Variants in ABLIM2 observed in about 807,000 individuals in gnomAD.
ABLIM2 encodes actin binding LIM protein family member 2.
A neutral mutation model predicts 97.7 loss-of-function variants in ABLIM2; 53 were observed. The ratio of observed to expected loss-of-function variants is 0.54; its 90% CI spans 0.44 to 0.68. The LOEUF is 0.68. Ranked by LOEUF, ABLIM2 falls within the 30% of genes least tolerant of loss-of-function variation. The pLI, the probability that ABLIM2 is intolerant of heterozygous loss-of-function variation, is 0.00. For missense variants in ABLIM2, 835 were observed against 867.2 expected (o/e 0.96, Z 0.47); for synonymous variants, 361 against 345.8 (o/e 1.04, Z -0.49).
rs1847168676 is a variant in ABLIM2, at chr4:8,124,907, C to T, written c.11-18270G>A. Among the ~76,000 whole-genome samples, 2 of 152,186 alleles carry T rather than the reference C, an allele frequency of 1.3e-5. No individual in the cohort carries two copies. The highest frequency in any genetic ancestry group is 1.3e-4 in the Admixed American group (2 of 15,280). ...TCTGGGTGTGCCTGCGATTTTGATC[C>T]AGCCATTCTAGCGGATCTGTAATCG... On this transcript the variant is annotated intron_variant, in intron 1 of 20. Transcript: ENST00000447017. This position sits in a 1 kb window ranked among gnomAD's most constrained non-coding sequence, Gnocchi z 6.1.
intron 3 of ABLIM2, among the ~76,000 whole-genome samples, chr4:8,092,242 C>T (rs573644249): frequency 2.6e-5 from 4 of 152,074 alleles, no homozygotes; most frequent in African/African-American, 9.6e-5. Flanking sequence ...AAGCAATCTG[C>T]CCACCTCAGC....
At chr4:8,111,031 C>T (rs1840057996) in intron 1 of ABLIM2, among the ~76,000 whole-genome samples, 1 of 152,268 alleles carries the variant, frequency 6.6e-6, no homozygotes, top group African/African-American at 2.4e-5. Context: ...AAGTGGCATT[C>T]TCTGTTCCCC....
chr4:8,032,025 C>G lies in ABLIM2; in HGVS notation c.1048-2249G>C, dbSNP rs544031376. Among the ~76,000 whole-genome samples the G allele has an allele frequency of 6.6e-6, 1 of 152,062 alleles. No individual in the cohort carries two copies. The highest frequency in any genetic ancestry group is 2.4e-5 in the African/African-American group (1 of 41,398). On this transcript the variant is annotated intron_variant, in intron 10 of 20. Coordinates refer to ENST00000447017, the MANE Select transcript of ABLIM2 (RefSeq NM_001130083.2). This position sits in a 1 kb window ranked among gnomAD's most constrained non-coding sequence, Gnocchi z 4.3. ...TACAGGTGTGAGCCACCACGCCCAG[C>G]CTATGAAATGTTTACAATGGCATCA...
rs953407946 is a variant in ABLIM2, at chr4:8,033,183, C to A, written c.1047+2966G>T. Among the ~76,000 whole-genome samples the A allele has an allele frequency of 1.3e-5, 2 of 152,184 alleles. No homozygotes were observed. The highest frequency in any genetic ancestry group is 2.9e-5 in the Non-Finnish European group (2 of 68,036). On this transcript the variant is annotated intron_variant, in intron 10 of 20. Transcript: ENST00000447017. The surrounding 1 kb of genome is among the most constrained non-coding windows in gnomAD (Gnocchi z 4.5). ...GCTGACCCGTCTTCCCAGGCTGGCA[C>A]CCCATCCACCACCACCTGCACATAT...
intron 1 of ABLIM2, among the ~76,000 whole-genome samples, chr4:8,126,062 C>A (rs1318238420): frequency 6.6e-6 from 1 of 152,116 alleles, no homozygotes; most frequent in Non-Finnish European, 1.5e-5. Context: ...AATCAGGGCT[C>A]GAAGCTTCAT....
Position 8,071,693 on chromosome 4 carries a change from A to AACCCCCCCCC in ABLIM2, c.675+5934_675+5935insGGGGGGGGGT. The stretch of plus-strand genomic sequence containing the variant: ...ACACCTGACTGCTCTGTCCCCAAAA[A>AACCCCCCCCC]CCCACCCACCCGCAGCCCCTCCTGG... On this transcript the variant is annotated intron_variant, in intron 6 of 20. Coordinates refer to ENST00000447017, the MANE Select transcript of ABLIM2 (RefSeq NM_001130083.2). The surrounding 1 kb of genome is among the most constrained non-coding windows in gnomAD (Gnocchi z 6.2). 8 of 819,822 alleles carry AACCCCCCCCC rather than the reference A, an allele frequency of 9.8e-6. No individual in the cohort carries two copies. The highest frequency in any genetic ancestry group is 1.2e-5 in the Non-Finnish European group (8 of 679,284). The allele number at this position is 819,822 out of a possible 1,614,324, so 50.8% of individuals were successfully genotyped here.
intron 14 of ABLIM2, among the ~76,000 whole-genome samples, chr4:8,016,532 T>C (rs1769358328): frequency 6.6e-6 from 1 of 152,144 alleles, no homozygotes; most frequent in African/African-American, 2.4e-5. Context: ...CTCCCCACGA[T>C]GTAGCTGGAA....
intron 1 of ABLIM2, among the ~76,000 whole-genome samples, chr4:8,118,558 C>T (rs1054364017): frequency 2.0e-5 from 3 of 152,142 alleles, no homozygotes; most frequent in African/African-American, 4.8e-5. Flanking sequence ...CTGCTTAGGT[C>T]CCTCCCCCAT....
chr4:8,012,819 T>C (rs1765957726), intron 14 of ABLIM2, among the ~76,000 whole-genome samples: 1 of 152,190 alleles, frequency 6.6e-6, no homozygotes, highest in South Asian at 2.1e-4. Flanking sequence ...CATCCATTCA[T>C]CCATTCCTCT....
chr4:8,029,499 A>C (rs1025085903), intron 11 of ABLIM2, among the ~76,000 whole-genome samples, 157 bp downstream of exon 11: 8 of 151,436 alleles, frequency 5.3e-5, no homozygotes, highest in African/African-American at 1.9e-4. Flanking sequence ...ACAGGTTCTC[A>C]GCCACCCACC....
rs936670413 is a variant in ABLIM2 at position 8,085,216 on chromosome 4, GGGCAGCCACACA to G, written c.454+2941_454+2952del. On this transcript the variant is annotated intron_variant, in intron 4 of 20. Transcript: ENST00000447017. The surrounding 1 kb of genome is among the most constrained non-coding windows in gnomAD (Gnocchi z 6.1). ...CAGCCACTCTCCCCTCCCCAGGGAG[GGGCAGCCACACA>G]GGCAGCCATGTGAGGCCCCACCCTG... Among the ~76,000 whole-genome samples, 5 of 152,018 alleles carry G rather than the reference GGGCAGCCACACA, an allele frequency of 3.3e-5. No individual in the cohort carries two copies. The highest frequency in any genetic ancestry group is 5.9e-5 in the Non-Finnish European group (4 of 67,972).
rs1034278448 is a variant in ABLIM2 at position 7,966,115 on chromosome 4, GAGAAAAAGAAAAA to G, written c.*862_*874del. On this transcript the variant is annotated 3_prime_UTR_variant, in exon 21 of 21. Coordinates refer to ENST00000447017, the MANE Select transcript of ABLIM2 (RefSeq NM_001130083.2). ...CTGTCTTTAAGGTTACCTGTGTGAC[GAGAAAAAGAAAAA>G]AGAAAAAGAAAAGAAACTAGACAGG... 4 of 152,130 alleles carry G rather than the reference GAGAAAAAGAAAAA, an allele frequency of 2.6e-5. No individual in the cohort carries two copies. The highest frequency in any genetic ancestry group is 7.2e-5 in the African/African-American group (3 of 41,436). The allele number at this position is 152,130 out of a possible 1,614,324, so 9.4% of individuals were successfully genotyped here. A position where few individuals can be genotyped will look rare whatever the true frequency, so the allele number is the denominator to read the frequency against.
intron 1 of ABLIM2, among the ~76,000 whole-genome samples, chr4:8,153,739 G>C (rs1374584168): frequency 1.3e-5 from 2 of 151,538 alleles, no homozygotes; most frequent in South Asian, 2.1e-4. Context: ...CTTTCCATTT[G>C]ATCTTTCAGT....
chr4:7,990,497 ATTTG>A (rs929454838), intron 17 of ABLIM2, among the ~76,000 whole-genome samples: 6 of 151,960 alleles, frequency 3.9e-5, no homozygotes, highest in Admixed American at 1.3e-4. Flanking sequence ...CTCATGTAAT[ATTTG>A]TTTGTTTGTT....
intron 6 of ABLIM2, among the ~76,000 whole-genome samples, chr4:8,074,650 C>A (rs979220041): frequency 6.6e-6 from 1 of 152,046 alleles, no homozygotes; most frequent in African/African-American, 2.4e-5. Context: ...GTGAATATAT[C>A]TTAGGAAAAA....
intron 1 of ABLIM2, among the ~76,000 whole-genome samples, chr4:8,154,281 C>CTT (rs34112937): frequency 1.4e-3 from 165 of 114,506 alleles, no homozygotes; most frequent in Admixed American, 3.5e-3. Context: ...CTTTTCTTTT[C>CTT]TTTTTTTTTT....
At chr4:7,994,529 T>TAAACTAAAGA (rs1751705954) in intron 16 of ABLIM2, among the ~76,000 whole-genome samples, 1 of 57,582 alleles carries the variant, frequency 1.7e-5, no homozygotes, top group African/African-American at 4.8e-5. Flanking sequence ...TCCAAGTCTT[T>TAAACTAAAGA]GCTATTGTGA....
chr4:8,131,902 C>CGCATCTCCAGCACAGCAGCCA (rs1849483338), intron 1 of ABLIM2, among the ~76,000 whole-genome samples: 1 of 145,356 alleles, frequency 6.9e-6, no homozygotes, highest in Admixed American at 6.8e-5. Context: ...CACAGCAGCC[C>CGCATCTCCAGCACAGCAGCCA]GCATCTCCAG....
At chr4:7,991,045 C>A (rs114277196) in intron 17 of ABLIM2, among the ~76,000 whole-genome samples, 1 of 152,188 alleles carries the variant, frequency 6.6e-6, no homozygotes, top group Non-Finnish European at 1.5e-5. Context: ...ACCCCTTAGT[C>A]TGCAGGAGAA....
Sources: gnomAD v4.1 joint callset for allele counts (sites outside exome capture counted in the v4.1 genomes callset) on GRCh38, gnomAD v4.1.1 for gene constraint, Gnocchi (gnomAD v3.1) non-coding constraint, MANE v1.5 for transcripts, NCBI Gene and HGNC (gene_info 2026-07-23, HGNC 2026-07-21) for gene names.